The following SLC8A3 variants were observed in gnomAD, a reference collection of about 807,000 sequenced individuals.
SLC8A3 encodes sodium/calcium exchanger 3.
In SLC8A3, 37 loss-of-function variants were observed where a neutral mutation model predicts 65.4. The ratio of observed to expected loss-of-function variants is 0.57; its 90% confidence interval spans 0.44 to 0.74. The LOEUF is 0.74. Ranked by LOEUF, SLC8A3 falls within the 30% of genes least tolerant of loss-of-function variation. SLC8A3 has a pLI of 0.00. For missense variants in SLC8A3, 1,112 were observed against 1,172.1 expected (o/e 0.95, Z 0.75); for synonymous variants, 461 against 444.5 (o/e 1.04, Z -0.47).
chr14:70,088,548 T>C (rs922555269), intron 2 of SLC8A3, among the ~76,000 whole-genome samples: 1 of 152,188 alleles, frequency 6.6e-6, no homozygotes, highest in East Asian at 1.9e-4. Flanking sequence ...CCTGCCAGCA[T>C]CCTGCGTGGC....
At chr14:70,086,792 A>G (rs1453324519) in intron 2 of SLC8A3, among the ~76,000 whole-genome samples, 1 of 152,182 alleles carries the variant, frequency 6.6e-6, no homozygotes, top group Non-Finnish European at 1.5e-5. Flanking sequence ...TGGAATCTCA[A>G]GAACAATAGG....
At chr14:70,174,658 T>TTTTTG (rs1555385193) in intron 1 of SLC8A3, among the ~76,000 whole-genome samples, 34 of 50,980 alleles carry the variant, frequency 6.7e-4, no homozygotes, top group African/African-American at 2.4e-3. Context: ...TCCGTTTTTT[T>TTTTTG]TTTGTTTTTT....
At chr14:70,066,093 G>A (rs1889396013) in intron 2 of SLC8A3, among the ~76,000 whole-genome samples, 1 of 152,236 alleles carries the variant, frequency 6.6e-6, no homozygotes, top group Non-Finnish European at 1.5e-5. Flanking sequence ...CTAGTGGCAA[G>A]AGTAACTTAG....
chr14:70,052,240 A>G (rs1887594704), intron 3 of SLC8A3, 126 bp from the exon 4 acceptor site: 2 of 1,218,080 alleles, frequency 1.6e-6, no homozygotes, highest in African/African-American at 1.6e-5. Context: ...GAGTTTATAT[A>G]TATTTTTAGT....
At chr14:70,171,209 A>T (rs1489564340) in intron 1 of SLC8A3, among the ~76,000 whole-genome samples, 2 of 152,210 alleles carry the variant, frequency 1.3e-5, no homozygotes, top group African/African-American at 4.8e-5. Context: ...ATGAGAGCCA[A>T]CCAATCCCAA....
intron 2 of SLC8A3, among the ~76,000 whole-genome samples, chr14:70,131,112 A>G (rs1327947207): frequency 6.6e-6 from 1 of 152,216 alleles, no homozygotes; most frequent in African/African-American, 2.4e-5. Flanking sequence ...GAATGAAAAC[A>G]GTCAGGAGAA....
intron 2 of SLC8A3, among the ~76,000 whole-genome samples, chr14:70,138,577 C>T (rs1427180936): frequency 6.6e-6 from 1 of 152,212 alleles, no homozygotes; most frequent in Non-Finnish European, 1.5e-5. Context: ...ACTATAAGTT[C>T]CTGGAAGGTG....
At chr14:70,161,194 G>A (rs1896866288) in intron 2 of SLC8A3, among the ~76,000 whole-genome samples, 1 of 141,418 alleles carries the variant, frequency 7.1e-6, no homozygotes, top group South Asian at 2.2e-4. Flanking sequence ...GGAGGCTGAG[G>A]CAGGAGAATG....
At chr14:70,154,321 C>T (rs1411830495) in intron 2 of SLC8A3, among the ~76,000 whole-genome samples, 2 of 152,186 alleles carry the variant, frequency 1.3e-5, no homozygotes, top group African/African-American at 4.8e-5. Flanking sequence ...GAAATGCATG[C>T]TCATGTTAAA....
At chr14:70,113,130 C>T (rs2140151886) in intron 2 of SLC8A3, among the ~76,000 whole-genome samples, 1 of 108,210 alleles carries the variant, frequency 9.2e-6, no homozygotes, top group Admixed American at 9.9e-5. Flanking sequence ...TGTCATGCCT[C>T]ACTTAACAAC....
At chr14:70,053,511 C>T (rs914535997) in intron 3 of SLC8A3, among the ~76,000 whole-genome samples, 3 of 152,304 alleles carry the variant, frequency 2.0e-5, no homozygotes, top group East Asian at 3.9e-4. Context: ...ATCTTAGCAG[C>T]GACAGTATTA....
At chr14:70,047,727 G>A (rs986386813) in intron 6 of SLC8A3, 1 of 152,280 alleles carries the variant, frequency 6.6e-6, no homozygotes, top group African/African-American at 2.4e-5. Context: ...CTTCCCTGCA[G>A]GAGGATGTGC....
intron 2 of SLC8A3, among the ~76,000 whole-genome samples, chr14:70,081,133 T>C (rs1477118775): frequency 6.6e-6 from 1 of 152,232 alleles, no homozygotes; most frequent in African/African-American, 2.4e-5. Flanking sequence ...GACACTCAAG[T>C]TGAAGTGGAG....
intron 2 of SLC8A3, among the ~76,000 whole-genome samples, chr14:70,087,479 C>A (rs1891516179): frequency 6.6e-6 from 1 of 152,198 alleles, no homozygotes; most frequent in Non-Finnish European, 1.5e-5. Flanking sequence ...CAGACACTTG[C>A]CATTTGATCT....
chr14:70,116,640 TC>T (rs1893689826), intron 2 of SLC8A3, among the ~76,000 whole-genome samples: 1 of 152,126 alleles, frequency 6.6e-6, no homozygotes, highest in Admixed American at 6.6e-5. Context: ...CATGTGTGGC[TC>T]TCGAACAGGT....
At chr14:70,180,187 G>A (rs1882623506) in intron 1 of SLC8A3, among the ~76,000 whole-genome samples, 1 of 152,354 alleles carries the variant, frequency 6.6e-6, no homozygotes, top group East Asian at 1.9e-4. Flanking sequence ...AGGGATGCTG[G>A]TGATCAGCCT....
At chr14:70,143,057 ATTC>A (rs1247257342) in intron 2 of SLC8A3, among the ~76,000 whole-genome samples, 1 of 152,154 alleles carries the variant, frequency 6.6e-6, no homozygotes, top group African/African-American at 2.4e-5. Context: ...GTGGGGGCTC[ATTC>A]TTCTCTCTGT....
chr14:70,080,019 G>T (rs1594950261), intron 2 of SLC8A3: 1 of 832,288 alleles, frequency 1.2e-6, no homozygotes, highest in Non-Finnish European at 1.4e-6. Context: ...CATTCACATT[G>T]GGTTGTCGTG....
At chr14:70,165,843 C>T (rs1248973173) in intron 2 of SLC8A3, among the ~76,000 whole-genome samples, 2 of 152,160 alleles carry the variant, frequency 1.3e-5, no homozygotes, top group Non-Finnish European at 2.9e-5. Context: ...AAAGAGAGGA[C>T]CACACAGAAG....
Sources: allele counts gnomAD v4.1 joint callset (sites outside exome capture counted in the v4.1 genomes callset), GRCh38; gene constraint gnomAD v4.1.1; transcripts MANE v1.5; gene names NCBI Gene and HGNC (gene_info 2026-07-23, HGNC 2026-07-21).